Variants in SACM1L observed in about 807,000 individuals in gnomAD.
The protein encoded by SACM1L is SAC1 like phosphatidylinositide phosphatase.
SACM1L carries 32 observed loss-of-function variants against 89.5 expected under a neutral mutation model. That is an observed-to-expected ratio of 0.36 (90% CI 0.27 to 0.48). The LOEUF (loss-of-function observed/expected upper bound fraction) is 0.48, where lower values mean the gene tolerates loss of function less well. SACM1L is among the 20% of genes least tolerant of loss of function. SACM1L has a pLI of 0.99. For missense variants in SACM1L, 543 were observed against 708.5 expected (o/e 0.77, Z 2.65); for synonymous variants, 213 against 232.8 (o/e 0.92, Z 0.77).
At position 45,703,478 on chromosome 3, in the gene SACM1L, G is replaced by A; in HGVS notation, c.73G>A (p.Asp25Asn). 6.2e-7 allele frequency: 1 copy of A among 1,613,282 alleles called. No individual in the cohort carries two copies. Among genetic ancestry groups the A allele is most frequent in the East Asian group, 2.2e-5 (1 of 44,828 alleles). ...AAAATTTTATGTGGAAGCTTGTGAT[G>A]ATGGAGCAGATGACGTACTTACCAT... ...PEKFYVEACDDGADDVLTIDR... is the reference protein window; with the variant it reads ...PEKFYVEACDNGADDVLTIDR... Residue 25 changes from aspartate to asparagine, a missense_variant, in exon 2 of 20, where the codon GAT becomes AAT. Transcript: ENST00000389061.
intron 11 of SACM1L, among the ~76,000 whole-genome samples, chr3:45,725,683 C>CT (rs1559547555): frequency 6.0e-4 from 87 of 145,248 alleles, no homozygotes; most frequent in Middle Eastern, 3.6e-3. Context: ...ATTTGGATGC[C>CT]CTTTTTTTTT....
At chr3:45,709,774 A>C (rs1698478996) in intron 5 of SACM1L, 127 bp downstream of exon 5, 3 of 785,462 alleles carry the variant, frequency 3.8e-6, no homozygotes, top group Non-Finnish European at 5.9e-6. Flanking sequence ...TGAGGCTTTG[A>C]AAATATACCC....
intron 5 of SACM1L, among the ~76,000 whole-genome samples, chr3:45,710,481 C>T (rs996155184): frequency 6.8e-6 from 1 of 147,196 alleles, no homozygotes; most frequent in Non-Finnish European, 1.5e-5. Context: ...GCGTGAGCCA[C>T]TGTGCCTGCC....
intron 1 of SACM1L, among the ~76,000 whole-genome samples, chr3:45,702,349 A>G (rs1325317701): frequency 6.6e-6 from 1 of 152,234 alleles, no homozygotes; most frequent in East Asian, 1.9e-4. Flanking sequence ...TTTCATAGGC[A>G]AGTGGGAGTA....
intron 4 of SACM1L, among the ~76,000 whole-genome samples, chr3:45,708,793 G>A (rs997552770): frequency 2.0e-5 from 3 of 152,094 alleles, no homozygotes; most frequent in African/African-American, 7.2e-5. Flanking sequence ...GTAACATGTA[G>A]ATTAACAAGT....
rs1697909241 is a variant in SACM1L at position 45,689,405 on chromosome 3, G to A, written c.-61G>A. On this transcript the variant is annotated 5_prime_UTR_variant, in exon 1 of 20. Coordinates refer to ENST00000389061, the MANE Select transcript of SACM1L (RefSeq NM_014016.5). ...TGCCAGGGTGACCGGTAGAGTTGTA[G>A]CCGAGGTGGCGGCGCGGGGCGGGGC... The A allele has an allele frequency of 6.4e-7, 1 of 1,551,754 alleles. No individual in the cohort carries two copies. The highest frequency in any genetic ancestry group is 2.0e-5 in the Admixed American group (1 of 51,116).
intron 11 of SACM1L, among the ~76,000 whole-genome samples, chr3:45,724,317 G>GTT (rs1553653994): frequency 6.6e-6 from 1 of 151,496 alleles, no homozygotes; most frequent in African/African-American, 2.4e-5. Context: ...GTGTGTGTGT[G>GTT]TGTGTGTGTG....
chr3:45,712,547 T>A (rs1559542010), intron 5 of SACM1L, among the ~76,000 whole-genome samples: 1 of 152,208 alleles, frequency 6.6e-6, no homozygotes, highest in African/African-American at 2.4e-5. Flanking sequence ...TAAGTAGAGT[T>A]GATTAAATAT....
intron 11 of SACM1L, among the ~76,000 whole-genome samples, chr3:45,727,288 ATGT>A (rs1464885265): frequency 6.6e-6 from 1 of 152,044 alleles, no homozygotes; most frequent in African/African-American, 2.4e-5. Context: ...GTGGTTCAGT[ATGT>A]TGTTTGTTTT....
At chr3:45,728,443 G>A (rs1041980802) in intron 11 of SACM1L, among the ~76,000 whole-genome samples, 4 of 151,700 alleles carry the variant, frequency 2.6e-5, no homozygotes, top group African/African-American at 9.7e-5. Context: ...ATTTTCGTTT[G>A]TGTATATTCT....
At chr3:45,708,889 T>A (rs2125689322) in intron 4 of SACM1L, among the ~76,000 whole-genome samples, 1 of 152,338 alleles carries the variant, frequency 6.6e-6, no homozygotes, top group Non-Finnish European at 1.5e-5. Context: ...ATCTTAGTAT[T>A]CATTGGGAAA....
chr3:45,723,576 A>G (rs552692424), intron 11 of SACM1L, 33 bp downstream of exon 11: 2 of 1,223,830 alleles, frequency 1.6e-6, no homozygotes, highest in Non-Finnish European at 2.3e-6. Flanking sequence ...GGGGAAAAAA[A>G]AGCCTTAACT....
At chr3:45,696,912 C>T (rs577807696) in intron 1 of SACM1L, among the ~76,000 whole-genome samples, 1 of 152,204 alleles carries the variant, frequency 6.6e-6, no homozygotes, top group East Asian at 1.9e-4. Flanking sequence ...TTTAACAAGA[C>T]TAATTTTTTA....
chr3:45,736,222 T>TTA (rs1421161259), intron 14 of SACM1L, among the ~76,000 whole-genome samples: 1 of 152,202 alleles, frequency 6.6e-6, no homozygotes, highest in Non-Finnish European at 1.5e-5. Context: ...TTGTTTCTAT[T>TTA]TATCTCTCTC....
Position 45,738,884 on chromosome 3 carries a change from A to G in SACM1L, c.1569+11A>G, listed in dbSNP as rs1345391305. 1.3e-6 allele frequency: 2 copies of G among 1,548,358 alleles called. No homozygotes were observed. The highest frequency in any genetic ancestry group is 2.2e-5 in the East Asian group (1 of 44,458). ...TGGAAATTCCTGGCTGTAAGAAACCATTTTGTATTTTTCAAGTTTTTAAAA... is the reference window on the plus strand; with the variant it reads ...TGGAAATTCCTGGCTGTAAGAAACCGTTTTGTATTTTTCAAGTTTTTAAAA... On this transcript the variant is annotated intron_variant, in intron 18 of 19. Transcript: ENST00000389061.
chr3:45,708,477 C>T (rs1698448923), intron 4 of SACM1L, among the ~76,000 whole-genome samples: 1 of 152,096 alleles, frequency 6.6e-6, no homozygotes, highest in South Asian at 2.1e-4. Context: ...TATTCTAAAA[C>T]ATATAACTTA....
At chr3:45,737,320 C>T (rs916652467) in intron 14 of SACM1L, 10 of 456,744 alleles carry the variant, frequency 2.2e-5, no homozygotes, top group Non-Finnish European at 3.4e-5. Context: ...TCTTCTGACC[C>T]TCTCCCTGAG....
chr3:45,714,237 G>GTTTTTTTTTTTTTTT (rs1435536599), intron 7 of SACM1L, among the ~76,000 whole-genome samples, 158 bp downstream of exon 7: 1 of 18,602 alleles, frequency 5.4e-5, no homozygotes. Context: ...TTGCTATTTT[G>GTTTTTTTTTTTTTTT]TTTGTTTTTT....
At position 45,738,574 on chromosome 3, in the gene SACM1L, C is replaced by A. The variant is rs1699251930; in HGVS notation, c.1383-4C>A. The A allele has an allele frequency of 1.3e-6, 2 of 1,592,962 alleles. No homozygotes were observed. Among genetic ancestry groups the A allele is most frequent in the Admixed American group, 1.7e-5 (1 of 59,786 alleles). On this transcript the variant is annotated splice_polypyrimidine_tract_variant and splice_region_variant and intron_variant, in intron 16 of 19. Coordinates refer to ENST00000389061, the MANE Select transcript of SACM1L (RefSeq NM_014016.5). ...GTAACTTAAAATTTAACCTCTTTAA[C>A]CAGAACTGGAAAGAGAACTCATTTG...
Sources: gnomAD v4.1 joint callset for allele counts (sites outside exome capture counted in the v4.1 genomes callset) on GRCh38, gnomAD v4.1.1 for gene constraint, MANE v1.5 for transcripts, NCBI Gene and HGNC (gene_info 2026-07-23, HGNC 2026-07-21) for gene names.